The following DLGAP2 variants were observed in gnomAD, a reference collection of about 807,000 sequenced individuals.
The protein encoded by DLGAP2 is DLG associated protein 2.
DLGAP2 carries 26 observed loss-of-function variants against 100.3 expected under a neutral mutation model. The ratio of observed to expected loss-of-function variants is 0.26; its 90% CI spans 0.19 to 0.36. The LOEUF (loss-of-function observed/expected upper bound fraction) is 0.36. Ranked by LOEUF, DLGAP2 falls within the 10% of genes least tolerant of loss-of-function variation. The pLI is 1.00. For synonymous variants in DLGAP2, 886 were observed against 630.1 expected, an observed-to-expected ratio of 1.41 and a Z score of -6.08; for missense variants, 1,858 against 1,453.2, an observed-to-expected ratio of 1.28 and a Z score of -4.53.
At chr8:1,257,830 C>T (rs991725410) in intron 2 of DLGAP2, among the ~76,000 whole-genome samples, 1 of 152,242 alleles carries the variant, frequency 6.6e-6, no homozygotes, top group Non-Finnish European at 1.5e-5. Context: ...CATGCTCATT[C>T]CCTCTCCCAC....
chr8:1,136,529 C>G (rs1796417174), intron 2 of DLGAP2, among the ~76,000 whole-genome samples: 1 of 152,234 alleles, frequency 6.6e-6, no homozygotes, highest in South Asian at 2.1e-4. Context: ...CCACGGCAGA[C>G]AACGTGGCTA....
At chr8:1,078,864 C>T (rs1018448118) in intron 2 of DLGAP2, among the ~76,000 whole-genome samples, 1 of 152,310 alleles carries the variant, frequency 6.6e-6, no homozygotes, top group South Asian at 2.1e-4. Context: ...CTACTGTAAA[C>T]ACTTGTGTGC....
intron 6 of DLGAP2, among the ~76,000 whole-genome samples, chr8:1,609,104 G>T (rs367825993): frequency 3.3e-3 from 373 of 113,712 alleles, no homozygotes; most frequent in East Asian, 5.4e-3. Context: ...TCACCAAAAT[G>T]GAAATGAAGG....
chr8:1,020,571 G>A, intron 2 of DLGAP2, among the ~76,000 whole-genome samples: 1 of 152,238 alleles, frequency 6.6e-6, no homozygotes, highest in East Asian at 1.9e-4. Context: ...ATGTCTGAGA[G>A]TGAGAGTGAA....
At chr8:944,136 C>T (rs904336876) in intron 2 of DLGAP2, among the ~76,000 whole-genome samples, 2 of 152,262 alleles carry the variant, frequency 1.3e-5, no homozygotes, top group African/African-American at 4.8e-5. Context: ...TATTTTGCTG[C>T]TGATCTGTTA....
chr8:1,568,862 C>T, intron 6 of DLGAP2, among the ~76,000 whole-genome samples: 1 of 79,090 alleles, frequency 1.3e-5, no homozygotes, highest in Non-Finnish European at 2.9e-5. Context: ...ATGCCACTGT[C>T]CACTCAGCAG....
chr8:1,361,628 G>A (rs1801983511), intron 3 of DLGAP2, among the ~76,000 whole-genome samples: 1 of 152,168 alleles, frequency 6.6e-6, no homozygotes, highest in South Asian at 2.1e-4. Flanking sequence ...TCGTTTAAAC[G>A]GAGCATGGGA....
At chr8:1,109,191 T>A (rs559730410) in intron 2 of DLGAP2, among the ~76,000 whole-genome samples, 328 of 30,752 alleles carry the variant, frequency 0.011, 5 homozygotes, top group African/African-American at 0.055. Context: ...GTCTGTGAGG[T>A]GTGCACGTGC....
intron 14 of DLGAP2, among the ~76,000 whole-genome samples, chr8:1,698,579 A>AGACAGGTCCAAGTAAGCCATGCTTGG (rs1312910102): frequency 4.1e-4 from 59 of 145,080 alleles, no homozygotes; most frequent in African/African-American, 1.4e-3. Flanking sequence ...GCATGGGACT[A>AGACAGGTCCAAGTAAGCCATGCTTGG]GACAGGTCCA....
chr8:794,064 G>C (rs1430097085), intron 1 of DLGAP2, among the ~76,000 whole-genome samples: 1 of 151,974 alleles, frequency 6.6e-6, no homozygotes, highest in Admixed American at 6.6e-5. Flanking sequence ...GGGATGAGCT[G>C]TTTGCCGGCC....
chr8:815,909 A>G (rs942502595), intron 1 of DLGAP2, among the ~76,000 whole-genome samples: 2 of 152,138 alleles, frequency 1.3e-5, no homozygotes, highest in Non-Finnish European at 2.9e-5. Context: ...TTACATATAT[A>G]TTTAGAATTG....
intron 2 of DLGAP2, among the ~76,000 whole-genome samples, chr8:1,126,315 A>G (rs1335788057): frequency 6.6e-6 from 1 of 152,192 alleles, no homozygotes; most frequent in Non-Finnish European, 1.5e-5. Context: ...CCATGTAGCC[A>G]GAAACAGAAC....
intron 3 of DLGAP2, among the ~76,000 whole-genome samples, chr8:1,325,646 G>C (rs1335144956): frequency 6.6e-6 from 1 of 152,236 alleles, no homozygotes; most frequent in East Asian, 1.9e-4. Flanking sequence ...CCTGAACGGA[G>C]CAGCCTCCAG....
intron 6 of DLGAP2, among the ~76,000 whole-genome samples, chr8:1,576,499 T>C (rs1802984201): frequency 1.3e-5 from 2 of 152,212 alleles, no homozygotes; most frequent in Non-Finnish European, 1.5e-5. Flanking sequence ...AATTTTTGCT[T>C]TTGTTGCCAT....
At chr8:1,205,367 A>G (rs1797968327) in intron 2 of DLGAP2, among the ~76,000 whole-genome samples, 1 of 152,024 alleles carries the variant, frequency 6.6e-6, no homozygotes, top group Non-Finnish European at 1.5e-5. Flanking sequence ...GGAAGGGTCC[A>G]GAAGTGCAGG....
intron 3 of DLGAP2, among the ~76,000 whole-genome samples, chr8:1,313,480 A>G (rs1207627095): frequency 6.6e-6 from 1 of 152,152 alleles, no homozygotes; most frequent in Admixed American, 6.5e-5. Context: ...ATTATGGAGA[A>G]TGGTAAAGTC....
chr8:1,078,413 T>C (rs73670432), intron 2 of DLGAP2, among the ~76,000 whole-genome samples: 2,787 of 152,294 alleles, frequency 0.018, 94 homozygotes, highest in African/African-American at 0.063. Flanking sequence ...TCCATGATTA[T>C]TGATGGAAGC....
intron 3 of DLGAP2, among the ~76,000 whole-genome samples, chr8:1,474,785 A>C (rs942178887): frequency 6.6e-6 from 1 of 152,236 alleles, no homozygotes; most frequent in African/African-American, 2.4e-5. Flanking sequence ...TGCCAGTGCG[A>C]GCGTACATTG....
At chr8:1,658,690 T>TC (rs1798339823) in intron 8 of DLGAP2, among the ~76,000 whole-genome samples, 1 of 152,182 alleles carries the variant, frequency 6.6e-6, no homozygotes, top group South Asian at 2.1e-4. Context: ...AGTGGTGATA[T>TC]CCCCCTTAAC....
Sources: allele counts gnomAD v4.1 joint callset (sites outside exome capture counted in the v4.1 genomes callset), GRCh38; gene constraint gnomAD v4.1.1; transcripts MANE v1.5; gene names NCBI Gene and HGNC (gene_info 2026-07-23, HGNC 2026-07-21).